CDC27: variants seen among roughly 807,000 people sequenced by gnomAD.
CDC27 encodes cell division cycle 27.
In CDC27, 27 loss-of-function variants were observed where a neutral mutation model predicts 109.7. The observed-to-expected ratio is 0.25, with a 90% CI of 0.18 to 0.34. The LOEUF (loss-of-function observed/expected upper bound fraction) is 0.34, where lower values mean the gene tolerates loss of function less well. Among genes scored for constraint, CDC27 ranks in the 10% least tolerant of loss-of-function variants. The pLI, the probability that CDC27 is intolerant of heterozygous loss-of-function variation, is 1.00. For missense variants in CDC27, 579 were observed against 960.2 expected (o/e 0.60, Z 5.25); for synonymous variants, 266 against 333.9 (o/e 0.80, Z 2.22).
chr17:47,132,459 A>G (rs1281525826), intron 14 of CDC27, 85 bp from the exon 15 acceptor site: 2 of 565,040 alleles, frequency 3.5e-6, no homozygotes, highest in Non-Finnish European at 5.9e-6. Flanking sequence ...ACAAGTATAG[A>G]ATCTGGCATT....
chr17:47,138,591 CCT>C, intron 13 of CDC27, 146 bp downstream of exon 13: 3 of 555,342 alleles, frequency 5.4e-6, no homozygotes, highest in Non-Finnish European at 9.4e-6. Flanking sequence ...ACTTTCTCTT[CCT>C]CTCTGAGTCC....
chr17:47,134,306 ATTTT>A (rs35766560), intron 14 of CDC27, among the ~76,000 whole-genome samples: 4 of 145,040 alleles, frequency 2.8e-5, no homozygotes, highest in African/African-American at 7.6e-5. Flanking sequence ...ACCCATATAG[ATTTT>A]TTTTTTTTTT....
chr17:47,150,396 G>A (rs1598478992), intron 9 of CDC27, among the ~76,000 whole-genome samples: 1 of 152,192 alleles, frequency 6.6e-6, no homozygotes, highest in Admixed American at 6.5e-5. Flanking sequence ...CAATATAACT[G>A]TTGTCTTTAC....
rs141829250 is a variant in CDC27 at position 47,138,596 on chromosome 17, C to A, written c.1704+143G>T. 2.2e-4 allele frequency: 125 copies of A among 566,822 alleles called. No homozygotes were observed. In the African/African-American group the frequency reaches 2.3e-3, roughly 10 times the overall value. 35.1% of individuals were successfully genotyped at this position (566,822 alleles called of 1,614,324 possible). ...ACATTCTAGGACTTTCTCTTCCTCT[C>A]TGAGTCCCTGACTAGAGAGAGAGGA... On this transcript the variant is annotated intron_variant, in intron 13 of 18. Transcript: ENST00000066544.
chr17:47,145,442 TTGTC>T (rs2062926925), intron 9 of CDC27, among the ~76,000 whole-genome samples: 1 of 152,078 alleles, frequency 6.6e-6, no homozygotes. Flanking sequence ...AATAAAGAAT[TTGTC>T]TGGTCCACGT....
At chr17:47,121,098 T>G in intron 18 of CDC27, 81 bp from the exon 19 acceptor site, 4 of 882,184 alleles carry the variant, frequency 4.5e-6, no homozygotes, top group Non-Finnish European at 7.3e-6. Flanking sequence ...TAAGAAAAAT[T>G]GTATTATATT....
At chr17:47,129,264 ATG>A in intron 16 of CDC27, 127 bp downstream of exon 16, 1 of 730,112 alleles carries the variant, frequency 1.4e-6, no homozygotes, top group Non-Finnish European at 2.2e-6. Flanking sequence ...ATCACAAAAA[ATG>A]AAATTAACAG....
intron 1 of CDC27, among the ~76,000 whole-genome samples, chr17:47,186,638 G>A (rs2064448311): frequency 6.6e-6 from 1 of 152,116 alleles, no homozygotes; most frequent in East Asian, 1.9e-4. Context: ...CCTCATATGT[G>A]AGACTTTTGT....
At chr17:47,165,097 T>C (rs2063604856) in intron 4 of CDC27, among the ~76,000 whole-genome samples, 1 of 152,184 alleles carries the variant, frequency 6.6e-6, no homozygotes, top group Non-Finnish European at 1.5e-5. Context: ...TGAAATTGGC[T>C]TTTTTCACTT....
chr17:47,123,598 G>A (rs2062043532), intron 17 of CDC27, among the ~76,000 whole-genome samples: 1 of 151,626 alleles, frequency 6.6e-6, no homozygotes, highest in African/African-American at 2.4e-5. Flanking sequence ...TTTTAGTAGA[G>A]GTCAGGTTTC....
rs35160918 is a variant in CDC27, at chr17:47,144,871, TCACACA to T, written c.1071-895_1071-890del. On this transcript the variant is annotated intron_variant, in intron 9 of 18. Coordinates refer to ENST00000066544, the MANE Select transcript of CDC27 (RefSeq NM_001256.6). ...CTCTGTATATGCATGTGTGTGTATA[TCACACA>T]CACACACACACACACATAAATCCTT... 2.0e-3 allele frequency among the ~76,000 whole-genome samples: 303 copies of T among 149,988 alleles called. 1 individual carries two copies. Among genetic ancestry groups the T allele is most frequent in the African/African-American group, 5.5e-3 (226 of 40,930 alleles).
rs563064091 is a variant in CDC27 at position 47,148,779 on chromosome 17, T to C, written c.1070+3027A>G. ...CAGTAAAGCAACATCCCTAAAAAAA[T>C]TGTCAATTAGAAATTCTTGGCCAGG... On this transcript the variant is annotated intron_variant, in intron 9 of 18. Transcript: ENST00000066544. Among the ~76,000 whole-genome samples, 13 of 152,124 alleles carry C rather than the reference T, an allele frequency of 8.5e-5. No homozygotes were observed. The South Asian group carries it at 1.5e-3, about 17-fold the overall frequency.
chr17:47,131,528 C>T (rs1039899520), intron 15 of CDC27, among the ~76,000 whole-genome samples: 3 of 151,814 alleles, frequency 2.0e-5, no homozygotes, highest in African/African-American at 7.3e-5. Context: ...AAGAGAGAAG[C>T]TGAGGGGAGG....
At chr17:47,188,494 A>C (rs2064535069) in intron 1 of CDC27, among the ~76,000 whole-genome samples, 1 of 152,074 alleles carries the variant, frequency 6.6e-6, no homozygotes, top group African/African-American at 2.4e-5. Flanking sequence ...GATCCCCATC[A>C]GAGAGGATGA....
Position 47,138,822 on chromosome 17 carries a change from T to C in CDC27, c.1621A>G (p.Thr541Ala). ...YRVEGMEIYS[T>A]TLWHLQKDVA... is the part of the protein sequence containing the mutation. ...TCTTTTTGAAGATGCCAAAGTGTTG[T>C]AGAGTAGATCTCCATGCCTTCAACT... The change falls in exon 13 of 19, where the codon ACA (threonine) becomes GCA (alanine). Residue 541 changes from threonine to alanine, a missense_variant. Physicochemically the swap from Thr to Ala is moderately conservative, Grantham distance 58 (BLOSUM62 0). Coordinates refer to ENST00000066544, the MANE Select transcript of CDC27 (RefSeq NM_001256.6). The C allele has an allele frequency of 1.2e-6, 2 of 1,606,196 alleles. No individual in the cohort carries two copies. Among genetic ancestry groups the C allele is most frequent in the East Asian group, 2.2e-5 (1 of 44,766 alleles).
intron 4 of CDC27, among the ~76,000 whole-genome samples, chr17:47,167,153 A>T (rs1220108878): frequency 6.6e-6 from 1 of 152,130 alleles, no homozygotes; most frequent in Non-Finnish European, 1.5e-5. Context: ...CTGTGCCCAG[A>T]CCCATTAATT....
In CDC27 at chr17:47,143,137, T is replaced by C. The variant is rs541307165; in HGVS notation, c.1171-701A>G. On this transcript the variant is annotated intron_variant, in intron 10 of 18. Coordinates refer to ENST00000066544, the MANE Select transcript of CDC27 (RefSeq NM_001256.6). ...AAAGAGTACTACCATCCCAGCTAAT[T>C]TTTTTTTTCAGAGATGGGGTCTTGC... is the stretch of plus-strand genomic sequence containing the variant. Among the ~76,000 whole-genome samples the C allele has an allele frequency of 3.3e-5, 5 of 151,326 alleles. No individual in the cohort carries two copies. The East Asian group carries it at 7.8e-4, about 23-fold the overall frequency.
Position 47,120,655 on chromosome 17 carries a change from C to T in CDC27, c.*280G>A. ...TAACTCTTCCTTTCATGATACTTTC[C>T]AACAAAGGGAGATTAAAGAAAAACA... On this transcript the variant is annotated 3_prime_UTR_variant, in exon 19 of 19. Transcript: ENST00000066544. 3.3e-6 allele frequency: 1 copy of T among 302,042 alleles called. No homozygotes were observed. Among genetic ancestry groups the T allele is most frequent in the Non-Finnish European group, 6.2e-6 (1 of 162,132 alleles). 18.7% of individuals were successfully genotyped at this position (302,042 alleles called of 1,614,324 possible).
At chr17:47,138,943 A>ATG (rs772870746) in intron 12 of CDC27, 52 bp from the exon 13 acceptor site, 2 of 1,223,372 alleles carry the variant, frequency 1.6e-6, no homozygotes, top group Non-Finnish European at 2.3e-6. Context: ...ATTTATATAT[A>ATG]TACACAGGGA....
Sources: allele counts gnomAD v4.1 joint callset (sites outside exome capture counted in the v4.1 genomes callset), GRCh38; gene constraint gnomAD v4.1.1; transcripts MANE v1.5; gene names NCBI Gene and HGNC (gene_info 2026-07-23, HGNC 2026-07-21).